CDH13: variants seen among roughly 807,000 people sequenced by gnomAD.
The protein encoded by CDH13 is cadherin-13.
In CDH13, 24 loss-of-function variants were observed where a neutral mutation model predicts 63.8. That is an observed-to-expected ratio of 0.38 (90% CI 0.27 to 0.53). CDH13 has a LOEUF of 0.53. Among genes scored for constraint, CDH13 ranks in the 20% least tolerant of loss-of-function variants. The pLI is 0.85. For synonymous variants in CDH13, 503 were observed against 355.3 expected (o/e 1.42, Z -4.67); for missense variants, 1,049 against 903.1 (o/e 1.16, Z -2.07).
At chr16:83,430,789 G>C (rs2072075567) in intron 6 of CDH13, among the ~76,000 whole-genome samples, 1 of 151,846 alleles carries the variant, frequency 6.6e-6, no homozygotes, top group Non-Finnish European at 1.5e-5. Context: ...AGTTTATTCT[G>C]CTTTCTTGTC....
chr16:82,676,621 C>A (rs898029915), intron 1 of CDH13, among the ~76,000 whole-genome samples: 6 of 151,334 alleles, frequency 4.0e-5, no homozygotes, highest in Non-Finnish European at 7.4e-5. Flanking sequence ...CAGTATGATG[C>A]ATATGACGAT....
intron 7 of CDH13, among the ~76,000 whole-genome samples, chr16:83,563,676 T>C (rs1049399878): frequency 6.6e-6 from 1 of 152,172 alleles, no homozygotes; most frequent in African/African-American, 2.4e-5. Flanking sequence ...TGTGTGTATG[T>C]GTGTGTTTGT....
At chr16:83,043,376 C>G (rs1203227446) in intron 3 of CDH13, among the ~76,000 whole-genome samples, 1 of 151,668 alleles carries the variant, frequency 6.6e-6, no homozygotes, top group Admixed American at 6.6e-5. Context: ...GGAGCATGGT[C>G]CAATAGAAAT....
chr16:82,941,397 G>A (rs1904284944), intron 2 of CDH13, among the ~76,000 whole-genome samples: 2 of 152,210 alleles, frequency 1.3e-5, no homozygotes, highest in Admixed American at 6.5e-5. Flanking sequence ...GGAATTTCAC[G>A]GGGGTGGGTG....
chr16:82,999,454 A>G (rs1256588773), intron 2 of CDH13, among the ~76,000 whole-genome samples: 1 of 152,094 alleles, frequency 6.6e-6, no homozygotes, highest in Non-Finnish European at 1.5e-5. Flanking sequence ...ACATGTTTAT[A>G]TATATAGATA....
intron 6 of CDH13, among the ~76,000 whole-genome samples, chr16:83,395,260 G>T (rs993715730): frequency 6.6e-6 from 1 of 151,666 alleles, no homozygotes; most frequent in East Asian, 1.9e-4. Context: ...GTTGCAGTGA[G>T]CCAAGACTGT....
intron 6 of CDH13, among the ~76,000 whole-genome samples, chr16:83,397,190 C>A (rs1352340106): frequency 1.3e-5 from 2 of 152,124 alleles, no homozygotes; most frequent in African/African-American, 4.8e-5. Flanking sequence ...TGTGTTTCCC[C>A]AAGGCCTTTG....
intron 2 of CDH13, among the ~76,000 whole-genome samples, chr16:82,874,837 A>T (rs567092486): frequency 6.6e-6 from 1 of 152,318 alleles, no homozygotes; most frequent in East Asian, 1.9e-4. Context: ...ACTCAGCATG[A>T]AATTCTAGGT....
intron 4 of CDH13, among the ~76,000 whole-genome samples, chr16:83,136,619 A>T (rs1297787341): frequency 6.6e-6 from 1 of 152,058 alleles, no homozygotes; most frequent in Non-Finnish European, 1.5e-5. Flanking sequence ...CAGGGGAGAA[A>T]CTGGGCTCTC....
intron 11 of CDH13, among the ~76,000 whole-genome samples, chr16:83,752,205 C>T (rs1394421036): frequency 6.6e-6 from 1 of 152,142 alleles, no homozygotes; most frequent in Non-Finnish European, 1.5e-5. Flanking sequence ...TGAAATATAG[C>T]GTAGCATGGC....
At chr16:82,638,637 C>A (rs779909274) in intron 1 of CDH13, among the ~76,000 whole-genome samples, 2 of 152,006 alleles carry the variant, frequency 1.3e-5, no homozygotes, top group Non-Finnish European at 2.9e-5. Flanking sequence ...TGTCATAATG[C>A]GTGGACATTA....
At chr16:83,525,927 C>A (rs1395336121) in intron 7 of CDH13, among the ~76,000 whole-genome samples, 2 of 152,140 alleles carry the variant, frequency 1.3e-5, no homozygotes, top group East Asian at 1.9e-4. Context: ...TCCCAAGAAG[C>A]TGGAAAAAGT....
chr16:82,655,907 T>G (rs1481784189), intron 1 of CDH13, among the ~76,000 whole-genome samples: 1 of 152,038 alleles, frequency 6.6e-6, no homozygotes, highest in Non-Finnish European at 1.5e-5. Context: ...AGCTAGCCTT[T>G]AGTGGGCACC....
At chr16:83,268,162 A>G (rs1328126759) in intron 5 of CDH13, among the ~76,000 whole-genome samples, 1 of 152,212 alleles carries the variant, frequency 6.6e-6, no homozygotes, top group East Asian at 1.9e-4. Flanking sequence ...ATAGTAATTG[A>G]CATAATTATA....
intron 4 of CDH13, among the ~76,000 whole-genome samples, chr16:83,174,097 T>A (rs1431062638): frequency 6.6e-6 from 1 of 152,124 alleles, no homozygotes; most frequent in Non-Finnish European, 1.5e-5. Flanking sequence ...CTGGTCAGTA[T>A]GAAGTCTGTC....
intron 7 of CDH13, among the ~76,000 whole-genome samples, chr16:83,563,143 A>G (rs1311025694): frequency 6.6e-6 from 1 of 152,230 alleles, no homozygotes; most frequent in Non-Finnish European, 1.5e-5. Flanking sequence ...CATTCCAGGA[A>G]TAGCCCATGG....
At chr16:83,016,299 A>G (rs1049705367) in intron 2 of CDH13, among the ~76,000 whole-genome samples, 1 of 152,262 alleles carries the variant, frequency 6.6e-6, no homozygotes, top group Non-Finnish European at 1.5e-5. Context: ...TCAACTAGAC[A>G]GAACCAATCT....
rs74720156 is a variant in CDH13, at chr16:83,615,793, C to T, written c.1101+13199C>T. Reference sequence around the variant, plus strand: ...TCCTGGCCAACACTTTGTCCAAGGACTCTAAGAGATCATCTACTGCAAATT... The same window carrying T: ...TCCTGGCCAACACTTTGTCCAAGGATTCTAAGAGATCATCTACTGCAAATT... On this transcript the variant is annotated intron_variant, in intron 8 of 13. Coordinates refer to ENST00000567109, the MANE Select transcript of CDH13 (RefSeq NM_001257.5). Among the ~76,000 whole-genome samples the T allele has an allele frequency of 7.9e-5, 12 of 152,292 alleles. No individual in the cohort carries two copies. The East Asian group carries it at 2.3e-3, about 29-fold the overall frequency.
intron 4 of CDH13, among the ~76,000 whole-genome samples, chr16:83,202,910 G>C (rs1368863158): frequency 6.6e-6 from 1 of 152,138 alleles, no homozygotes; most frequent in South Asian, 2.1e-4. Flanking sequence ...GGGGAGGGAT[G>C]GGGTAGGGCA....
Sources: allele counts gnomAD v4.1 joint callset (sites outside exome capture counted in the v4.1 genomes callset), GRCh38; gene constraint gnomAD v4.1.1; transcripts MANE v1.5; gene names NCBI Gene and HGNC (gene_info 2026-07-23, HGNC 2026-07-21).